Variants in MINAR1 observed in about 807,000 individuals in gnomAD.
MINAR1 encodes the protein membrane integral NOTCH2 associated receptor 1.
MINAR1 carries 40 observed loss-of-function variants against 65.1 expected under a neutral mutation model. The ratio of observed to expected loss-of-function variants is 0.61; its 90% CI spans 0.48 to 0.80. The LOEUF is 0.80. Among genes scored for constraint, MINAR1 ranks in the 30% least tolerant of loss-of-function variants. The pLI is 0.00. For missense variants in MINAR1, 1,128 were observed against 1,148.0 expected, an observed-to-expected ratio of 0.98 and a Z score of 0.25; for synonymous variants, 482 against 449.1, an observed-to-expected ratio of 1.07 and a Z score of -0.93.
chr15:79,439,262 TGTGTG>T (rs1894784069), intron 1 of MINAR1, among the ~76,000 whole-genome samples: 2 of 83,942 alleles, frequency 2.4e-5, no homozygotes, highest in African/African-American at 9.9e-5. Context: ...GGGTGGGTAG[TGTGTG>T]GGGTGTGGGG....
chr15:79,471,516 G>A lies in MINAR1; in HGVS notation c.*3132G>A, dbSNP rs1436360996. On this transcript the variant is annotated 3_prime_UTR_variant, in exon 4 of 4. Transcript: ENST00000305428. ...TCATAACTTACATCATCCATTACTA[G>A]CTGATCATAAATTGTTAGTATTTTA... The A allele has an allele frequency of 6.6e-6, 1 of 152,460 alleles. No homozygotes were observed. Among genetic ancestry groups the A allele is most frequent in the East Asian group, 1.9e-4 (1 of 5,196 alleles). 9.4% of individuals were successfully genotyped at this position (152,460 alleles called of 1,614,324 possible).
rs1485029886 is a variant in MINAR1, at chr15:79,471,501, C to CT, written c.*3117_*3118insT. On this transcript the variant is annotated 3_prime_UTR_variant, in exon 4 of 4. Transcript: ENST00000305428. ...TTACAGTAAACTAAATCATAACTTA[C>CT]ATCATCCATTACTAGCTGATCATAA... 2 of 152,558 alleles carry CT rather than the reference C, an allele frequency of 1.3e-5. No homozygotes were observed. The highest frequency in any genetic ancestry group is 3.8e-4 in the East Asian group (2 of 5,198). 9.5% of individuals were successfully genotyped at this position (152,558 alleles called of 1,614,324 possible).
chr15:79,413,936 A>G, the MINAR1 span: 2 of 152,252 alleles, frequency 1.3e-5, no homozygotes, highest in Non-Finnish European at 2.9e-5. Flanking sequence ...TCTAGCACCT[A>G]TTCCACCTTC....
rs1555430555 is a variant in MINAR1 at position 79,469,761 on chromosome 15, C to CAAAG, written c.*1381_*1384dup. 6.6e-6 allele frequency: 1 copy of CAAAG among 151,990 alleles called. No individual in the cohort carries two copies. Among genetic ancestry groups the CAAAG allele is most frequent in the South Asian group, 2.1e-4 (1 of 4,806 alleles). The allele number at this position is 151,990 out of a possible 1,614,324, so 9.4% of individuals were successfully genotyped here. On this transcript the variant is annotated 3_prime_UTR_variant, in exon 4 of 4. Transcript: ENST00000305428. Reference sequence around the variant, plus strand: ...CTGATTCCAATGTCTTGTTACAGGTCAAAGAAAAAAGGATTGACAGAAACT... The same window carrying CAAAG: ...CTGATTCCAATGTCTTGTTACAGGTCAAAGAAAGAAAAAAGGATTGACAGAAACT...
chr15:79,431,272 G>A (rs1894429028), upstream of MINAR1, among the ~76,000 whole-genome samples: 1 of 152,058 alleles, frequency 6.6e-6, no homozygotes, highest in African/African-American at 2.4e-5. Context: ...CACCCTTTTT[G>A]TTTGTGTTGT....
intron 2 of MINAR1, among the ~76,000 whole-genome samples, chr15:79,459,426 T>C (rs905548220): frequency 6.6e-6 from 1 of 152,218 alleles, no homozygotes; most frequent in Admixed American, 6.5e-5. Flanking sequence ...GGTTTGTTTC[T>C]ATGGGACCTG....
Position 79,463,115 on chromosome 15 carries a change from C to G in MINAR1, c.2347C>G (p.Pro783Ala). The G allele has an allele frequency of 6.2e-7, 1 of 1,614,196 alleles. No homozygotes were observed. Among genetic ancestry groups the G allele is most frequent in the Non-Finnish European group, 8.5e-7 (1 of 1,180,042 alleles). Residue 783 changes from proline (P) to alanine (A), a missense_variant, in exon 3 of 4, where the codon CCC becomes GCC. Transcript: ENST00000305428. Reference sequence around the variant, plus strand: ...CCCACAGCACCGACTGCCCAAGCAGCCCAAAGATGGCTTCCTGGTGGAGCA... The same window carrying G: ...CCCACAGCACCGACTGCCCAAGCAGGCCAAAGATGGCTTCCTGGTGGAGCA... ...IPPQHRLPKQ[P>A]KDGFLVEQVF... is the part of the protein sequence containing the mutation.
At chr15:79,422,984 C>T in the MINAR1 span, 2 of 152,238 alleles carry the variant, frequency 1.3e-5, no homozygotes, top group East Asian at 1.9e-4. Flanking sequence ...ATTTATCCTA[C>T]AGGCATTTCC....
Position 79,456,727 on chromosome 15 carries a change from A to G in MINAR1, c.580A>G (p.Arg194Gly), listed in dbSNP as rs1323045860. ...GAAAAACCGCGCCGCTTCCCTGGAC[A>G]GGTTGCAGGCCCTGGCTCCGTACTC... is the stretch of plus-strand genomic sequence containing the variant. ...EVKNRAASLD[R>G]LQALAPYSVT... Residue 194 changes from arginine (R) to glycine (G), a missense_variant, in exon 2 of 4, where the codon AGG becomes GGG. Coordinates refer to ENST00000305428, the MANE Select transcript of MINAR1 (RefSeq NM_015206.3). 1 of 1,614,216 alleles carries G rather than the reference A, an allele frequency of 6.2e-7. No individual in the cohort carries two copies. The highest frequency in any genetic ancestry group is 1.1e-5 in the South Asian group (1 of 91,086).
the MINAR1 span, chr15:79,417,044 C>T: frequency 6.6e-6 from 1 of 152,242 alleles, no homozygotes; most frequent in Non-Finnish European, 1.5e-5. Context: ...ACATGTGCAA[C>T]ACAGGTACCG....
In MINAR1 at chr15:79,471,523, A is replaced by AGC. The variant is rs1171949064; in HGVS notation, c.*3139_*3140insGC. 2 of 152,572 alleles carry AGC rather than the reference A, an allele frequency of 1.3e-5. No individual in the cohort carries two copies. Among genetic ancestry groups the AGC allele is most frequent in the East Asian group, 3.8e-4 (2 of 5,198 alleles). The allele number at this position is 152,572 out of a possible 1,614,324, so 9.5% of individuals were successfully genotyped here. ...TTACATCATCCATTACTAGCTGATC[A>AGC]TAAATTGTTAGTATTTTAAGGTATG... On this transcript the variant is annotated 3_prime_UTR_variant, in exon 4 of 4. Coordinates refer to ENST00000305428, the MANE Select transcript of MINAR1 (RefSeq NM_015206.3).
In MINAR1 at chr15:79,432,585, A is replaced by AGTGTGTGTGTGTGTGTGTGTGTGT. The variant is rs3036997; in HGVS notation, c.-51+67_-51+68insGTGTGTGTGTGTGTGTGTGTGTGT. On this transcript the variant is annotated intron_variant, in intron 1 of 3. Coordinates refer to ENST00000305428, the MANE Select transcript of MINAR1 (RefSeq NM_015206.3). ...GCCGGGCGGAGGGCGGGAGCGCACG[A>AGTGTGTGTGTGTGTGTGTGTGTGT]GTGTGTGTGTGTGTGTGTGTGTTCG... The AGTGTGTGTGTGTGTGTGTGTGTGT allele has an allele frequency of 2.0e-5, 3 of 150,648 alleles. No homozygotes were observed. In the East Asian group the frequency reaches 6.0e-4, roughly 30 times the overall value. The allele number at this position is 150,648 out of a possible 1,614,324, so 9.3% of individuals were successfully genotyped here.
In MINAR1 at chr15:79,445,553, T is replaced by TTA. The variant is rs200916589; in HGVS notation, c.-50-10544_-50-10543insAT. ...TTTAAATCTTTCTGTGACAGTTATT[T>TTA]TTTTTTTTTTTTGAGACGGAGTTTT... On this transcript the variant is annotated intron_variant, in intron 1 of 3. Coordinates refer to ENST00000305428, the MANE Select transcript of MINAR1 (RefSeq NM_015206.3). 3.7e-3 allele frequency among the ~76,000 whole-genome samples: 565 copies of TTA among 150,930 alleles called. 3 individuals are homozygous for TTA. Among genetic ancestry groups the TTA allele is most frequent in the African/African-American group, 0.013 (521 of 40,896 alleles).
At chr15:79,437,772 G>GT (rs1894662145) in intron 1 of MINAR1, among the ~76,000 whole-genome samples, 4 of 94,636 alleles carry the variant, frequency 4.2e-5, no homozygotes, top group African/African-American at 7.9e-5. Flanking sequence ...GGGTGTGAGT[G>GT]GGGTGGGTAG....
Position 79,452,742 on chromosome 15 carries a change from G to GTGT in MINAR1, c.-50-3356_-50-3355insTGT, listed in dbSNP as rs1555428534. On this transcript the variant is annotated intron_variant, in intron 1 of 3. Coordinates refer to ENST00000305428, the MANE Select transcript of MINAR1 (RefSeq NM_015206.3). The stretch of plus-strand genomic sequence containing the variant: ...TGTGGGTGAGTCTGTGTGGGTGTGT[G>GTGT]GGGGGGGTGTGTGGGTGAGTGAAGC... 6.9e-4 allele frequency among the ~76,000 whole-genome samples: 59 copies of GTGT among 85,446 alleles called. 1 individual carries two copies. Among genetic ancestry groups the GTGT allele is most frequent in the African/African-American group, 2.2e-3 (56 of 25,136 alleles). 56.1% of individuals were successfully genotyped at this position (85,446 alleles called of 152,430 possible).
chr15:79,424,316 T>C, the MINAR1 span: 2 of 152,200 alleles, frequency 1.3e-5, no homozygotes, highest in African/African-American at 4.8e-5. Context: ...CCCTTTTCGA[T>C]TGAGTTTCCT....
rs1366929156 is a variant in MINAR1 at position 79,457,575 on chromosome 15, C to A, written c.1428C>A (p.Thr476=). The change falls in exon 2 of 4, where the codon ACC becomes ACA. Residue 476 remains threonine, a synonymous_variant. Coordinates refer to ENST00000305428, the MANE Select transcript of MINAR1 (RefSeq NM_015206.3). ...GCTCAGACACCAGTAGCGTGGGCAC[C>A]CAGACTGAGCACGTGCTGGAGCCCA... ...QLSSDTSSVG[T]QTEHVLEPKK... is the part of the protein sequence containing the mutation. The A allele has an allele frequency of 1.2e-6, 2 of 1,614,014 alleles. No individual in the cohort carries two copies. Among genetic ancestry groups the A allele is most frequent in the South Asian group, 2.2e-5 (2 of 91,074 alleles).
chr15:79,457,178 C>T lies in MINAR1; in HGVS notation c.1031C>T (p.Pro344Leu). 6.2e-7 allele frequency: 1 copy of T among 1,614,144 alleles called. No individual in the cohort carries two copies. Among genetic ancestry groups the T allele is most frequent in the Non-Finnish European group, 8.5e-7 (1 of 1,180,030 alleles). ...LQASTYFGPT[P>L]VMGTQEARRC... ...GCCTCTACATATTTTGGGCCCACTC[C>T]CGTGATGGGAACCCAAGAAGCCAGG... Residue 344 changes from proline (P) to leucine (L), a missense_variant, in exon 2 of 4, where the codon CCC (proline) becomes CTC (leucine). Transcript: ENST00000305428.
At chr15:79,419,923 A>AG in the MINAR1 span, 31 of 152,198 alleles carry the variant, frequency 2.0e-4, no homozygotes, top group African/African-American at 7.5e-4. Flanking sequence ...ACAAGATCTG[A>AG]GAAAAAAAAG....
Sources: allele counts gnomAD v4.1 joint callset (sites outside exome capture counted in the v4.1 genomes callset), GRCh38; gene constraint gnomAD v4.1.1; transcripts MANE v1.5; gene names NCBI Gene and HGNC (gene_info 2026-07-23, HGNC 2026-07-21).